Variants in TJP1 observed in about 807,000 individuals in gnomAD.
TJP1 encodes the protein tight junction protein 1, also known as tight junction protein ZO-1.
Under a neutral mutation model 194.2 loss-of-function variants are expected in TJP1, and 43 were observed. The ratio of observed to expected loss-of-function variants is 0.22; its 90% CI spans 0.17 to 0.29. The LOEUF is 0.29. TJP1 is among the 10% of genes least tolerant of loss of function. TJP1 has a pLI of 1.00. For missense variants in TJP1, 1,971 were observed against 2,185.7 expected, an observed-to-expected ratio of 0.90 and a Z score of 1.96; for synonymous variants, 801 against 779.0, an observed-to-expected ratio of 1.03 and a Z score of -0.47.
chr15:29,868,057 CAA>C (rs33939764), intron 2 of TJP1, among the ~76,000 whole-genome samples: 8 of 127,334 alleles, frequency 6.3e-5, no homozygotes, highest in Admixed American at 1.7e-4. Context: ...GATTCTGTCT[CAA>C]AAAAAAAAAA....
At chr15:29,751,788 A>G (rs1035255300) in intron 8 of TJP1, among the ~76,000 whole-genome samples, 1 of 152,230 alleles carries the variant, frequency 6.6e-6, no homozygotes, top group African/African-American at 2.4e-5. Context: ...TCTGCAAATA[A>G]GTTTTTTTGT....
At chr15:29,849,950 C>A (rs1021231447) in intron 2 of TJP1, among the ~76,000 whole-genome samples, 1 of 152,020 alleles carries the variant, frequency 6.6e-6, no homozygotes, top group East Asian at 1.9e-4. Context: ...ATGCATGGCC[C>A]TGTGGGTTCC....
intron 22 of TJP1, 47 bp downstream of exon 22, chr15:29,717,974 A>T (rs2042669986): frequency 6.6e-7 from 1 of 1,510,144 alleles, no homozygotes; most frequent in Non-Finnish European, 9.1e-7. Context: ...TAAGAGGGTT[A>T]AATTCCTGGT....
chr15:29,907,174 T>A (rs1277701638), intron 2 of TJP1, among the ~76,000 whole-genome samples: 1 of 151,110 alleles, frequency 6.6e-6, no homozygotes. Context: ...CTTTGGGAGG[T>A]CGGGGCAGGC....
At chr15:29,840,854 A>G (rs1345409062) in intron 2 of TJP1, among the ~76,000 whole-genome samples, 2 of 152,188 alleles carry the variant, frequency 1.3e-5, no homozygotes, top group Non-Finnish European at 2.9e-5. Context: ...ACAAAATAAG[A>G]AAGAAGAGAG....
At chr15:29,922,693 A>G (rs2054403734) in intron 2 of TJP1, among the ~76,000 whole-genome samples, 1 of 152,206 alleles carries the variant, frequency 6.6e-6, no homozygotes, top group Non-Finnish European at 1.5e-5. Flanking sequence ...AAGAAATTAA[A>G]TGGTTATTAT....
At chr15:29,949,305 C>T (rs1490760389) in intron 2 of TJP1, among the ~76,000 whole-genome samples, 1 of 128,454 alleles carries the variant, frequency 7.8e-6, no homozygotes, top group Non-Finnish European at 1.7e-5. Flanking sequence ...TCCACCACCA[C>T]CACCTCCACT....
At chr15:29,763,763 G>A (rs1392159479) in intron 5 of TJP1, among the ~76,000 whole-genome samples, 7 of 62,804 alleles carry the variant, frequency 1.1e-4, no homozygotes, top group South Asian at 1.3e-3. Flanking sequence ...GTGAGACTCC[G>A]TCTCAAAAAA....
Position 29,764,241 on chromosome 15 carries a change from T to A in TJP1, c.590-1803A>T, listed in dbSNP as rs117302340. ...AAGGAGAAGGCCGCCCTGAGGAAGATATACTAAAGTTAAAACTTTACCTAA... is the reference window on the plus strand; with the variant it reads ...AAGGAGAAGGCCGCCCTGAGGAAGAAATACTAAAGTTAAAACTTTACCTAA... On this transcript the variant is annotated intron_variant, in intron 5 of 27. Transcript: ENST00000614355. 5.1e-3 allele frequency among the ~76,000 whole-genome samples: 770 copies of A among 152,214 alleles called. 29 individuals carry two copies. In the East Asian group the frequency reaches 0.097, roughly 19 times the overall value.
At chr15:29,734,082 A>T (rs1338668819) in intron 12 of TJP1, among the ~76,000 whole-genome samples, 192 bp downstream of exon 12, 5 of 152,214 alleles carry the variant, frequency 3.3e-5, no homozygotes, top group Admixed American at 3.3e-4. Flanking sequence ...TCCTATTAGC[A>T]TGCTCTGCTA....
rs79893925 is a variant in TJP1, at chr15:29,911,774, C to T, written c.306+44458G>A. Among the ~76,000 whole-genome samples, 505 of 152,294 alleles carry T rather than the reference C, an allele frequency of 3.3e-3. 4 individuals are homozygous for T. Among genetic ancestry groups the T allele is most frequent in the African/African-American group, 0.012 (482 of 41,562 alleles). On this transcript the variant is annotated intron_variant, in intron 2 of 28. Transcript: ENST00000356107. ...CCAAACCATATCACGGAAGTTCAGT[C>T]TCATAATGAAAGCAAATCTCATAAT...
intron 2 of TJP1, among the ~76,000 whole-genome samples, chr15:29,884,642 T>C (rs934395428): frequency 9.9e-5 from 15 of 152,210 alleles, no homozygotes; most frequent in African/African-American, 3.4e-4. Flanking sequence ...TACAGCAATA[T>C]TTTAGGCCTT....
intron 2 of TJP1, among the ~76,000 whole-genome samples, chr15:29,902,722 T>C (rs2053670914): frequency 6.6e-6 from 1 of 152,158 alleles, no homozygotes. Context: ...AGTTGTTGTA[T>C]GCTATTCACC....
chr15:29,730,677 C>T (rs1595669651), intron 15 of TJP1: 1 of 741,032 alleles, frequency 1.3e-6, no homozygotes, highest in African/African-American at 1.7e-5. Flanking sequence ...CGCTGCATCC[C>T]ACGTCCAGCA....
At position 29,777,254 on chromosome 15, in the gene TJP1, C is replaced by T. The variant is rs970875261; in HGVS notation, c.85-3897G>A. 2.6e-5 allele frequency among the ~76,000 whole-genome samples: 4 copies of T among 152,252 alleles called. No homozygotes were observed. The East Asian group carries it at 5.8e-4, about 22-fold the overall frequency. On this transcript the variant is annotated intron_variant, in intron 2 of 27. Coordinates refer to ENST00000614355, the MANE Select transcript of TJP1 (RefSeq NM_001330239.4). ...CGAGTGTGTGACAATGACTATTATA[C>T]GGTTTGGTGCCCCTGCCTTGATTTG...
At chr15:29,896,164 C>T (rs2053470611) in intron 2 of TJP1, among the ~76,000 whole-genome samples, 1 of 152,138 alleles carries the variant, frequency 6.6e-6, no homozygotes, top group Non-Finnish European at 1.5e-5. Context: ...ACCCGATTCT[C>T]ATCTTGAATT....
chr15:29,742,747 G>C lies in TJP1; in HGVS notation c.1045C>G (p.Pro349Ala), dbSNP rs1156816642. 1.2e-6 allele frequency: 2 copies of C among 1,604,438 alleles called. No homozygotes were observed. Among genetic ancestry groups the C allele is most frequent in the South Asian group, 1.1e-5 (1 of 89,012 alleles). The part of the protein sequence containing the change: ...RSRDEERISK[P>A]GAVSTPVKHA... ...TTTACAGGAGTTGAGACAGCCCCAG[G>C]TTTAGAAATTCTCTCTTCATCTCTA... Residue 349 changes from proline to alanine, a missense_variant, in exon 9 of 28, where the codon CCT becomes GCT. Coordinates refer to ENST00000614355, the MANE Select transcript of TJP1 (RefSeq NM_001330239.4).
chr15:29,853,801 G>A (rs1265075511), intron 2 of TJP1, among the ~76,000 whole-genome samples: 1 of 152,196 alleles, frequency 6.6e-6, no homozygotes, highest in Non-Finnish European at 1.5e-5. Flanking sequence ...TCAGGATCCT[G>A]AAGGCAATTT....
rs754072191 is a variant in TJP1 at position 29,726,826 on chromosome 15, C to T, written c.2266G>A (p.Glu756Lys). ...TTTTTACGAAGTTTATGAGATCGCT[C>T]GTATAACTTCCTGGCACTTTTCCGA... ...ESRKSARKLY[E>K]RSHKLRKNNH... is the part of the protein sequence containing the mutation. The change falls in exon 17 of 28, where the codon GAG (glutamate) becomes AAG (lysine). Residue 756 changes from glutamate (E) to lysine (K), a missense_variant. This residue lies in a region of TJP1 where 402 missense variants were observed against 484.2 expected (regional missense o/e 0.83). Transcript: ENST00000614355. The T allele has an allele frequency of 2.5e-6, 4 of 1,614,068 alleles. No individual in the cohort carries two copies. In the South Asian group the frequency reaches 4.4e-5, roughly 18 times the overall value.
Sources: allele counts gnomAD v4.1 joint callset (sites outside exome capture counted in the v4.1 genomes callset), GRCh38; gene constraint gnomAD v4.1.1; regional missense constraint gnomAD v4.1.1; transcripts MANE v1.5; gene names NCBI Gene and HGNC (gene_info 2026-07-23, HGNC 2026-07-21).